SULF1: variants seen among roughly 807,000 people sequenced by gnomAD.
SULF1 encodes the protein extracellular sulfatase Sulf-1.
In SULF1, 46 loss-of-function variants were observed where a neutral mutation model predicts 110.5. That is an observed-to-expected ratio of 0.42 (90% CI 0.33 to 0.53). The LOEUF (loss-of-function observed/expected upper bound fraction) is 0.53. Ranked by LOEUF, SULF1 falls within the 20% of genes least tolerant of loss-of-function variation. The probability of loss-of-function intolerance (pLI) is 0.12; values close to 1 mark genes in which losing one functional copy is unlikely to be tolerated. For missense variants in SULF1, 941 were observed against 1,094.2 expected (o/e 0.86, Z 1.98); for synonymous variants, 371 against 387.1 (o/e 0.96, Z 0.49).
intron 1 of SULF1, among the ~76,000 whole-genome samples, chr8:69,479,628 A>G (rs529253373): frequency 3.1e-4 from 47 of 152,248 alleles, no homozygotes; most frequent in Non-Finnish European, 6.6e-4. Context: ...GAAACACAGA[A>G]TGTTGGAGGC....
intron 13 of SULF1, among the ~76,000 whole-genome samples, chr8:69,619,108 C>CA (rs1345208669): frequency 4.0e-5 from 6 of 151,884 alleles, no homozygotes; most frequent in Non-Finnish European, 8.8e-5. Flanking sequence ...ATACGTGGCA[C>CA]AAAAAACCAT....
intron 8 of SULF1, chr8:69,592,973 A>G: frequency 1.0e-6 from 1 of 987,334 alleles, no homozygotes; most frequent in Non-Finnish European, 1.2e-6. Flanking sequence ...AGGTGCAAGT[A>G]TGTGCTATGG....
chr8:69,577,421 C>T (rs749961517), intron 6 of SULF1, among the ~76,000 whole-genome samples: 15 of 152,238 alleles, frequency 9.9e-5, no homozygotes, highest in African/African-American at 2.4e-4. Context: ...GAATCAGAGG[C>T]GGTTCCCTAA....
chr8:69,634,173 A>AT (rs1231897608), intron 19 of SULF1, among the ~76,000 whole-genome samples: 2 of 152,038 alleles, frequency 1.3e-5, no homozygotes, highest in Non-Finnish European at 1.5e-5. Flanking sequence ...TCAATTTAGG[A>AT]TTTTTTCCCC....
chr8:69,634,166 A>G (rs944180059), intron 19 of SULF1, among the ~76,000 whole-genome samples: 3 of 152,130 alleles, frequency 2.0e-5, no homozygotes, highest in African/African-American at 7.2e-5. Flanking sequence ...ATTCAATTCA[A>G]TTTAGGATTT....
intron 2 of SULF1, among the ~76,000 whole-genome samples, chr8:69,500,800 C>T (rs186977533): frequency 5.9e-5 from 9 of 152,134 alleles, no homozygotes; most frequent in African/African-American, 9.6e-5. Context: ...AAACTAGCGG[C>T]GGCGGAGTTT....
At chr8:69,517,503 G>T (rs934818036) in intron 3 of SULF1, among the ~76,000 whole-genome samples, 1 of 152,120 alleles carries the variant, frequency 6.6e-6, no homozygotes, top group Non-Finnish European at 1.5e-5. Context: ...GGAAGTAAGG[G>T]TTTTAGGGGA....
chr8:69,510,880 G>A (rs539289021), intron 3 of SULF1, among the ~76,000 whole-genome samples: 22 of 151,670 alleles, frequency 1.5e-4, no homozygotes, highest in Admixed American at 1.1e-3. Flanking sequence ...GACTCCCAAA[G>A]TGCTGGGATT....
At chr8:69,490,438 A>AT (rs1038619356), upstream of SULF1, among the ~76,000 whole-genome samples, 201 of 151,712 alleles carry the variant, frequency 1.3e-3, no homozygotes, top group African/African-American at 4.4e-3. Context: ...GAGTTTAAAA[A>AT]TTTTTTTTTA....
At chr8:69,613,587 T>G (rs1053310175) in intron 13 of SULF1, among the ~76,000 whole-genome samples, 1 of 152,170 alleles carries the variant, frequency 6.6e-6, no homozygotes, top group East Asian at 1.9e-4. Context: ...ATTTTAGATA[T>G]GAAGAGACTG....
chr8:69,605,725 A>T (rs1388448122), intron 13 of SULF1, among the ~76,000 whole-genome samples: 2 of 152,238 alleles, frequency 1.3e-5, no homozygotes, highest in Non-Finnish European at 1.5e-5. Context: ...GGCCCAAATC[A>T]TTGCAGCTGA....
At chr8:69,522,968 C>G (rs1812412775) in intron 3 of SULF1, among the ~76,000 whole-genome samples, 2 of 152,030 alleles carry the variant, frequency 1.3e-5, no homozygotes, top group Admixed American at 6.6e-5. Flanking sequence ...GCAAATGGAG[C>G]AGAGAGAAGG....
chr8:69,656,302 GT>G (rs1812724375), intron 22 of SULF1, among the ~76,000 whole-genome samples: 2 of 152,108 alleles, frequency 1.3e-5, no homozygotes, highest in Non-Finnish European at 2.9e-5. Flanking sequence ...TATTTTTGTT[GT>G]TGTCGTTGTT....
chr8:69,483,263 G>A (rs1809578875), intron 1 of SULF1, among the ~76,000 whole-genome samples: 1 of 152,086 alleles, frequency 6.6e-6, no homozygotes, highest in African/African-American at 2.4e-5. Flanking sequence ...TAGCTCACGA[G>A]AAACTCATAA....
Position 69,629,681 on chromosome 8 carries a change from T to G in SULF1, c.2284+2T>G. 1 of 1,595,926 alleles carries G rather than the reference T, an allele frequency of 6.3e-7. No homozygotes were observed. The highest frequency in any genetic ancestry group is 8.5e-7 in the Non-Finnish European group (1 of 1,171,082). ...GGCAGACAGCCCCGTTCTGGAACCG[T>G]AAGTTGCTTGTTCCAAATGCCACTT... On this transcript the variant is annotated splice_donor_variant, in intron 19 of 22. Coordinates refer to ENST00000402687, the MANE Select transcript of SULF1 (RefSeq NM_001128205.2). LOFTEE classifies it high-confidence loss of function.
rs574097444 is a variant in SULF1, at chr8:69,614,404, T to C, written c.1378-6631T>C. Among the ~76,000 whole-genome samples, 4 of 152,346 alleles carry C rather than the reference T, an allele frequency of 2.6e-5. No homozygotes were observed. The Middle Eastern group carries it at 0.014, about 518-fold the overall frequency. ...AAATGACTTGTGACAGCACTCTGGG[T>C]TGTAGTGAGGATTAAATGAAAAATT... On this transcript the variant is annotated intron_variant, in intron 13 of 22. Transcript: ENST00000402687.
At position 69,629,669 on chromosome 8, in the gene SULF1, G is replaced by T; in HGVS notation, c.2274G>T (p.Pro758=). Residue 758 remains proline, a synonymous_variant, in exon 19 of 23, where the codon CCG becomes CCT. Coordinates refer to ENST00000402687, the MANE Select transcript of SULF1 (RefSeq NM_001128205.2). Reference sequence around the variant, plus strand: ...ACAACAACCACTGGCAGACAGCCCCGTTCTGGAACCGTAAGTTGCTTGTTC... The same window carrying T: ...ACAACAACCACTGGCAGACAGCCCCTTTCTGGAACCGTAAGTTGCTTGTTC... ...THDNNHWQTA[P]FWNLGSFCAC... is the part of the protein sequence containing the mutation. The T allele has an allele frequency of 1.2e-6, 2 of 1,605,252 alleles. No homozygotes were observed. The highest frequency in any genetic ancestry group is 1.1e-5 in the South Asian group (1 of 89,526).
chr8:69,531,254 T>C (rs1447949035), intron 3 of SULF1, among the ~76,000 whole-genome samples: 1 of 152,240 alleles, frequency 6.6e-6, no homozygotes, highest in Non-Finnish European at 1.5e-5. Context: ...GTTTAAAAAC[T>C]CTTTTAGCTT....
At chr8:69,636,539 G>GA (rs796254343) in intron 19 of SULF1, among the ~76,000 whole-genome samples, 369 of 143,912 alleles carry the variant, frequency 2.6e-3, no homozygotes, top group Middle Eastern at 0.022. Context: ...TCCATCTCAA[G>GA]AAAAAAAAAA....
Sources: gnomAD v4.1 joint callset for allele counts (sites outside exome capture counted in the v4.1 genomes callset) on GRCh38, gnomAD v4.1.1 for gene constraint, MANE v1.5 for transcripts, NCBI Gene and HGNC (gene_info 2026-07-23, HGNC 2026-07-21) for gene names.